SRRM4: variants seen among roughly 807,000 people sequenced by gnomAD.
The protein encoded by SRRM4 is serine/arginine repetitive matrix protein 4.
Under a neutral mutation model 68.9 loss-of-function variants are expected in SRRM4, and 33 were observed. That is an observed-to-expected ratio of 0.48 (90% CI 0.36 to 0.64). SRRM4 has a LOEUF of 0.64. SRRM4 is among the 30% of genes least tolerant of loss of function. The pLI, the probability that SRRM4 is intolerant of heterozygous loss-of-function variation, is 0.00. For missense variants in SRRM4, 817 were observed against 827.1 expected, an observed-to-expected ratio of 0.99 and a Z score of 0.15; for synonymous variants, 318 against 318.8, an observed-to-expected ratio of 1.00 and a Z score of 0.03.
At position 119,112,045 on chromosome 12, in the gene SRRM4, C is replaced by CA. The variant is rs1293501903; in HGVS notation, c.279-2225dup. On this transcript the variant is annotated intron_variant, in intron 2 of 12. Transcript: ENST00000267260. Reference sequence around the variant, plus strand: ...TAGGCAAGAGAGTGAAACTGCGTCTCAAAAAAAAGAAAAAAAAAAAGAATT... The same window carrying CA: ...TAGGCAAGAGAGTGAAACTGCGTCTCAAAAAAAAAGAAAAAAAAAAAGAATT... Among the ~76,000 whole-genome samples the CA allele has an allele frequency of 2.5e-4, 35 of 137,632 alleles. 1 individual carries two copies. The highest frequency in any genetic ancestry group is 1.6e-3 in the South Asian group (7 of 4,380). The allele number at this position is 137,632 out of a possible 152,430, so 90.3% of individuals were successfully genotyped here.
intron 1 of SRRM4, among the ~76,000 whole-genome samples, chr12:119,035,177 T>G (rs1352235019): frequency 1.3e-5 from 2 of 152,188 alleles, no homozygotes; most frequent in African/African-American, 4.8e-5. Flanking sequence ...AATTGGAATA[T>G]TACCTTCTTT....
At chr12:119,129,890 T>TGGAG in intron 7 of SRRM4, among the ~76,000 whole-genome samples, 1 of 150,330 alleles carries the variant, frequency 6.7e-6, no homozygotes, top group East Asian at 2.0e-4. Flanking sequence ...GATGGATGGA[T>TGGAG]GGATGGATGG....
At chr12:119,062,904 A>C (rs1402466896) in intron 1 of SRRM4, among the ~76,000 whole-genome samples, 1 of 152,244 alleles carries the variant, frequency 6.6e-6, no homozygotes, top group Non-Finnish European at 1.5e-5. Flanking sequence ...TGAAGACAAC[A>C]TTAATATTAC....
intron 10 of SRRM4, 98 bp from the exon 11 acceptor site, chr12:119,153,441 G>A: frequency 1.3e-6 from 1 of 751,020 alleles, no homozygotes; most frequent in South Asian, 1.8e-5. Flanking sequence ...AAAGAAAAAG[G>A]TCACTGCCCA....
chr12:119,147,508 T>C (rs1374938225), intron 9 of SRRM4, among the ~76,000 whole-genome samples: 4 of 152,206 alleles, frequency 2.6e-5, no homozygotes, highest in Non-Finnish European at 5.9e-5. Flanking sequence ...TTGTAGCAAA[T>C]GGACCACGTT....
intron 1 of SRRM4, among the ~76,000 whole-genome samples, chr12:119,082,462 T>C (rs1953954802): frequency 6.6e-6 from 1 of 152,230 alleles, no homozygotes. Flanking sequence ...AGAAGGAGAA[T>C]GTGCTCGTGA....
chr12:118,996,387 A>G (rs1953349761), intron 1 of SRRM4, among the ~76,000 whole-genome samples: 1 of 152,208 alleles, frequency 6.6e-6, no homozygotes, highest in African/African-American at 2.4e-5. Context: ...TCACTTGTGC[A>G]AAAAGATTTC....
intron 1 of SRRM4, among the ~76,000 whole-genome samples, chr12:119,080,686 C>T (rs893144204): frequency 3.3e-5 from 5 of 152,184 alleles, no homozygotes; most frequent in African/African-American, 4.8e-5. Flanking sequence ...GAGCCAGGAC[C>T]TGAACCAAAG....
intron 1 of SRRM4, among the ~76,000 whole-genome samples, chr12:119,092,022 T>C (rs73211894): frequency 0.04 from 6,065 of 152,262 alleles, 137 homozygotes; most frequent in African/African-American, 0.057. Flanking sequence ...AATGACTGGA[T>C]GAATAAACGC....
In SRRM4 at chr12:119,156,659, C is replaced by G; in HGVS notation, c.1697C>G (p.Thr566Arg). ...AGCCGGAGACGGAGCCGGACCCGCA[C>G]GAGCAGCAGCTCTAGCTCCCGCAGC... ...SRSRRRSRTR[T>R]SSSSSSRSPS... The change falls in exon 13 of 13, where the codon ACG becomes AGG. Residue 566 changes from threonine (T) to arginine (R), a missense_variant. By Grantham distance (71) the Thr-to-Arg change is moderately conservative. Coordinates refer to ENST00000267260, the MANE Select transcript of SRRM4 (RefSeq NM_194286.4). The G allele has an allele frequency of 2.5e-6, 4 of 1,574,624 alleles. No individual in the cohort carries two copies. Among genetic ancestry groups the G allele is most frequent in the South Asian group, 1.2e-5 (1 of 86,144 alleles).
At chr12:119,116,828 G>C in intron 3 of SRRM4, 109 bp from the exon 4 acceptor site, 1 of 782,978 alleles carries the variant, frequency 1.3e-6, no homozygotes. Flanking sequence ...TTTGATGTGT[G>C]TTCCTGCAAG....
At chr12:119,031,549 T>C (rs1448492478) in intron 1 of SRRM4, among the ~76,000 whole-genome samples, 1 of 152,160 alleles carries the variant, frequency 6.6e-6, no homozygotes, top group Non-Finnish European at 1.5e-5. Context: ...GTAGAATTGC[T>C]AGACAAAATG....
In SRRM4 at chr12:119,102,397, G is replaced by A. The variant is rs545899062; in HGVS notation, c.278+15G>A. On this transcript the variant is annotated intron_variant, in intron 2 of 12. Transcript: ENST00000267260. ...AGAGGACACAGGTGAGATCCAATGA[G>A]GACGTTCAAGTTGAAGATACAGAAA... 1.1e-5 allele frequency: 18 copies of A among 1,595,040 alleles called. No homozygotes were observed. The Admixed American group carries it at 2.6e-4, about 23-fold the overall frequency.
chr12:119,149,445 C>T (rs1302280474), intron 9 of SRRM4, among the ~76,000 whole-genome samples: 1 of 152,216 alleles, frequency 6.6e-6, no homozygotes, highest in East Asian at 1.9e-4. Context: ...AGGGAGCTGT[C>T]TCCAGGGAGC....
intron 1 of SRRM4, among the ~76,000 whole-genome samples, chr12:119,069,412 G>T (rs78093136): frequency 2.6e-5 from 4 of 152,062 alleles, no homozygotes; most frequent in African/African-American, 9.7e-5. Context: ...GTGGACACAC[G>T]TTGGGAGGCC....
At chr12:119,066,768 A>T (rs1953848649) in intron 1 of SRRM4, among the ~76,000 whole-genome samples, 1 of 152,212 alleles carries the variant, frequency 6.6e-6, no homozygotes, top group Non-Finnish European at 1.5e-5. Context: ...AACGAGTTAC[A>T]TAGTTCCTCC....
At chr12:119,039,861 A>G (rs1373450014) in intron 1 of SRRM4, among the ~76,000 whole-genome samples, 3 of 152,076 alleles carry the variant, frequency 2.0e-5, no homozygotes, top group African/African-American at 7.3e-5. Context: ...AGAGAGAGAG[A>G]GAGAGCTTTT....
At chr12:119,060,509 A>C (rs1953804465) in intron 1 of SRRM4, among the ~76,000 whole-genome samples, 2 of 151,352 alleles carry the variant, frequency 1.3e-5, no homozygotes, top group South Asian at 4.3e-4. Context: ...CCATTTACCC[A>C]AATGCACTGA....
At position 119,156,702 on chromosome 12, in the gene SRRM4, C is replaced by CAGCCGG. The variant is rs756592285; in HGVS notation, c.1750_1755dup (p.Arg594_Ser595dup). 4.5e-6 allele frequency: 7 copies of CAGCCGG among 1,548,688 alleles called. No homozygotes were observed. The African/African-American group carries it at 5.5e-5, about 12-fold the overall frequency. On this transcript the variant is annotated inframe_insertion, in exon 13 of 13. Coordinates refer to ENST00000267260, the MANE Select transcript of SRRM4 (RefSeq NM_194286.4). Reference sequence around the variant, plus strand: ...CCCGCAGCCCTAGTCCGGGCTCCCGCAGCCGGAGCCGGAGCAGGAGCCGGA... The same window carrying CAGCCGG: ...CCCGCAGCCCTAGTCCGGGCTCCCGCAGCCGGAGCCGGAGCCGGAGCAGGAGCCGGA...
Sources: allele counts gnomAD v4.1 joint callset (sites outside exome capture counted in the v4.1 genomes callset), GRCh38; gene constraint gnomAD v4.1.1; transcripts MANE v1.5; gene names NCBI Gene and HGNC (gene_info 2026-07-23, HGNC 2026-07-21).